Variants in FBXO16 observed in about 807,000 individuals in gnomAD.
FBXO16 encodes the protein F-box only protein 16.
A neutral mutation model predicts 41.0 loss-of-function variants in FBXO16; 31 were observed. That is an observed-to-expected ratio of 0.76 (90% CI 0.57 to 1.02). The LOEUF (loss-of-function observed/expected upper bound fraction) is 1.02, where lower values mean the gene tolerates loss of function less well. FBXO16 is among the 50% of genes least tolerant of loss of function. The pLI is 0.00. For synonymous variants in FBXO16, 133 were observed against 117.8 expected (o/e 1.13, Z -0.84); for missense variants, 361 against 346.2 (o/e 1.04, Z -0.34).
intron 4 of FBXO16, among the ~76,000 whole-genome samples, chr8:28,461,778 T>C (rs1803138511): frequency 6.6e-6 from 1 of 152,190 alleles, no homozygotes; most frequent in African/African-American, 2.4e-5. Context: ...TTAAATTGCA[T>C]ATTTTCTTTT....
chr8:28,472,291 TCTAA>T (rs993081452), intron 3 of FBXO16, among the ~76,000 whole-genome samples: 3 of 151,834 alleles, frequency 2.0e-5, no homozygotes, highest in African/African-American at 7.3e-5. Context: ...AGATATGGGG[TCTAA>T]CTGTTATGTT....
At chr8:28,484,580 T>C (rs1345687542) in intron 1 of FBXO16, among the ~76,000 whole-genome samples, 3 of 152,184 alleles carry the variant, frequency 2.0e-5, no homozygotes, top group African/African-American at 7.2e-5. Flanking sequence ...CTTAATCTTA[T>C]TTTATTTTAT....
intron 2 of FBXO16, 131 bp downstream of exon 2, chr8:28,483,217 T>C: frequency 1.2e-6 from 1 of 821,132 alleles, no homozygotes; most frequent in Non-Finnish European, 1.8e-6. Flanking sequence ...TTGGAATATC[T>C]TCATTTTGGT....
intron 4 of FBXO16, among the ~76,000 whole-genome samples, chr8:28,461,910 G>A (rs1248179410): frequency 6.6e-6 from 1 of 151,586 alleles, no homozygotes; most frequent in Non-Finnish European, 1.5e-5. Flanking sequence ...TTTCCAGAGA[G>A]TTGCTCAATT....
At chr8:28,489,976 A>G (rs1338109292) in intron 1 of FBXO16, among the ~76,000 whole-genome samples, 1 of 152,242 alleles carries the variant, frequency 6.6e-6, no homozygotes, top group Admixed American at 6.5e-5. Flanking sequence ...AGCAAGAACT[A>G]TAACACAACG....
intron 1 of FBXO16, among the ~76,000 whole-genome samples, chr8:28,487,305 C>T (rs1213793279): frequency 6.6e-6 from 1 of 151,932 alleles, no homozygotes; most frequent in African/African-American, 2.4e-5. Flanking sequence ...TTTCCTCCTT[C>T]CTCCATTCCA....
intron 7 of FBXO16, among the ~76,000 whole-genome samples, chr8:28,437,491 T>C (rs1802703703): frequency 6.6e-6 from 1 of 152,190 alleles, no homozygotes; most frequent in Non-Finnish European, 1.5e-5. Context: ...AAGATTGTAG[T>C]TCTTAGGCTG....
intron 7 of FBXO16, among the ~76,000 whole-genome samples, chr8:28,446,535 C>G (rs1802866987): frequency 6.6e-6 from 1 of 151,874 alleles, no homozygotes; most frequent in African/African-American, 2.4e-5. Flanking sequence ...GCACCTCCCC[C>G]TGCCCCAAAG....
intron 7 of FBXO16, among the ~76,000 whole-genome samples, chr8:28,440,135 C>A (rs999236340): frequency 6.6e-6 from 1 of 151,864 alleles, no homozygotes; most frequent in Admixed American, 6.6e-5. Context: ...TATTTAAGTG[C>A]TCTGTCACCC....
At chr8:28,431,551 G>A (rs192173914) in intron 7 of FBXO16, among the ~76,000 whole-genome samples, 86 of 152,224 alleles carry the variant, frequency 5.6e-4, no homozygotes, top group African/African-American at 2.0e-3. Context: ...CTTTCCTACT[G>A]ATCTTTTCCC....
Position 28,428,622 on chromosome 8 carries a change from G to C in FBXO16, c.*105C>G. 6.4e-7 allele frequency: 1 copy of C among 1,552,624 alleles called. No homozygotes were observed. ...GCTTGGGGCCCAGGGTGCCTGTGAG[G>C]ATGCTGCATGAGAATTTCAGCTGTG... On this transcript the variant is annotated 3_prime_UTR_variant, in exon 9 of 9. Transcript: ENST00000380254.
Position 28,428,756 on chromosome 8 carries a change from C to A in FBXO16, c.870-20G>T, listed in dbSNP as rs1253243821. 6.7e-7 allele frequency: 1 copy of A among 1,500,850 alleles called. No individual in the cohort carries two copies. Among genetic ancestry groups the A allele is most frequent in the Non-Finnish European group, 8.9e-7 (1 of 1,129,080 alleles). The allele number at this position is 1,500,850 out of a possible 1,614,324, so 93.0% of individuals were successfully genotyped here. ...GGACATCTAGAAAGGAAAAAGGAAT[C>A]ATGAAAGCGAGGGTTATTGAAATAC... On this transcript the variant is annotated intron_variant, in intron 8 of 8. Coordinates refer to ENST00000380254, the MANE Select transcript of FBXO16 (RefSeq NM_172366.4).
Position 28,456,833 on chromosome 8 carries a change from A to G in FBXO16, c.440T>C (p.Phe147Ser). Residue 147 changes from phenylalanine to serine, a missense_variant, in exon 5 of 9, where the codon TTT (phenylalanine) becomes TCT (serine). Transcript: ENST00000380254. ...GTGCTTCTTCCAGATCCCCTGCTCA[A>G]AGGGAGTTGGAGAGAAATTGATGTA... ...NWYINFSPTP[F>S]EQGIWKKHYI... 2 of 1,614,170 alleles carry G rather than the reference A, an allele frequency of 1.2e-6. No homozygotes were observed. Among genetic ancestry groups the G allele is most frequent in the Non-Finnish European group, 1.7e-6 (2 of 1,180,020 alleles).
intron 4 of FBXO16, among the ~76,000 whole-genome samples, chr8:28,458,680 G>A (rs1803077611): frequency 6.6e-6 from 1 of 151,490 alleles, no homozygotes; most frequent in Non-Finnish European, 1.5e-5. Flanking sequence ...AGCCTCCCGA[G>A]TAGCTGGGAT....
rs578260363 is a variant in FBXO16, at chr8:28,446,980, G to C, written c.843+191C>G. The C allele has an allele frequency of 5.6e-4, 293 of 524,188 alleles. 6 individuals carry two copies. In the South Asian group the frequency reaches 7.8e-3, roughly 14 times the overall value. 32.5% of individuals were successfully genotyped at this position (524,188 alleles called of 1,614,324 possible). On this transcript the variant is annotated intron_variant, in intron 7 of 8. Coordinates refer to ENST00000380254, the MANE Select transcript of FBXO16 (RefSeq NM_172366.4). ...TTTTTTTAACAGATGAGAAAACAGA[G>C]GCTCAGAGAGATTAAATAAAGTGTA...
chr8:28,446,455 G>A (rs1048208668), intron 7 of FBXO16, among the ~76,000 whole-genome samples: 2 of 151,480 alleles, frequency 1.3e-5, no homozygotes, highest in Non-Finnish European at 2.9e-5. Context: ...TTACAGGCGT[G>A]AGCCACCATG....
chr8:28,471,097 A>G (rs1392787497), intron 3 of FBXO16, among the ~76,000 whole-genome samples: 1 of 152,224 alleles, frequency 6.6e-6, no homozygotes, highest in Non-Finnish European at 1.5e-5. Flanking sequence ...TGAAGGGCAG[A>G]GAAGATTTGA....
chr8:28,458,615 C>T (rs1293202707), intron 4 of FBXO16, among the ~76,000 whole-genome samples: 2 of 131,750 alleles, frequency 1.5e-5, no homozygotes, highest in East Asian at 2.3e-4. Flanking sequence ...TGCAGTGGTG[C>T]GATCTTGGCT....
At chr8:28,468,118 G>A (rs1171063083) in intron 3 of FBXO16, among the ~76,000 whole-genome samples, 1 of 152,128 alleles carries the variant, frequency 6.6e-6, no homozygotes, top group African/African-American at 2.4e-5. Flanking sequence ...CGTCTCTTGC[G>A]TCACCTCTCA....
Sources: gnomAD v4.1 joint callset for allele counts (sites outside exome capture counted in the v4.1 genomes callset) on GRCh38, gnomAD v4.1.1 for gene constraint, MANE v1.5 for transcripts, NCBI Gene and HGNC (gene_info 2026-07-23, HGNC 2026-07-21) for gene names.